Variants in CADM1 observed in about 807,000 individuals in gnomAD.
CADM1 encodes cell adhesion molecule 1, also known as TSLC-1.
CADM1 carries 15 observed loss-of-function variants against 53.1 expected under a neutral mutation model. That is an observed-to-expected ratio of 0.28 (90% CI 0.19 to 0.44). CADM1 has a LOEUF of 0.44. CADM1 is among the 20% of genes least tolerant of loss of function. CADM1 has a pLI of 1.00. For missense variants in CADM1, 434 were observed against 611.3 expected, an observed-to-expected ratio of 0.71 and a Z score of 3.06; for synonymous variants, 281 against 243.0, an observed-to-expected ratio of 1.16 and a Z score of -1.45.
intron 1 of CADM1, among the ~76,000 whole-genome samples, chr11:115,458,591 C>T (rs897570469): frequency 6.6e-6 from 1 of 151,324 alleles, no homozygotes; most frequent in Non-Finnish European, 1.5e-5. Flanking sequence ...AGACAAAAGT[C>T]CCTGGAATCC....
At chr11:115,332,536 G>A (rs1008947632) in intron 1 of CADM1, among the ~76,000 whole-genome samples, 12 of 152,110 alleles carry the variant, frequency 7.9e-5, no homozygotes, top group African/African-American at 2.4e-4. Flanking sequence ...AAGCAACCAC[G>A]GTCCCAGAAG....
chr11:115,177,251 A>G (rs542686042), intron 11 of CADM1, among the ~76,000 whole-genome samples: 1 of 152,314 alleles, frequency 6.6e-6, no homozygotes, highest in East Asian at 1.9e-4. Flanking sequence ...CTCTCATCGT[A>G]TAACTCTAGC....
At chr11:115,373,321 A>T (rs1946354658) in intron 1 of CADM1, among the ~76,000 whole-genome samples, 1 of 152,176 alleles carries the variant, frequency 6.6e-6, no homozygotes, top group Non-Finnish European at 1.5e-5. Context: ...GCACTGGCTC[A>T]TGCCTGTAAT....
chr11:115,257,494 T>C (rs1419087627), intron 1 of CADM1, among the ~76,000 whole-genome samples: 1 of 152,222 alleles, frequency 6.6e-6, no homozygotes, highest in Admixed American at 6.5e-5. Flanking sequence ...CATTAGAACC[T>C]TAACCTTTAG....
chr11:115,336,639 A>C lies in CADM1; in HGVS notation c.125-96219T>G, dbSNP rs191974136. Among the ~76,000 whole-genome samples, 195 of 152,270 alleles carry C rather than the reference A, an allele frequency of 1.3e-3. 1 individual carries two copies. The Middle Eastern group carries it at 0.031, about 24-fold the overall frequency. On this transcript the variant is annotated intron_variant, in intron 1 of 11. Transcript: ENST00000331581. ...TAATCAGAACCAAAATAAGTCAGGAAACACTAGATTTAAGTTCTTTCCTGA... is the reference window on the plus strand; with the variant it reads ...TAATCAGAACCAAAATAAGTCAGGACACACTAGATTTAAGTTCTTTCCTGA...
chr11:115,277,615 C>T (rs577312414), intron 1 of CADM1, among the ~76,000 whole-genome samples: 37 of 152,280 alleles, frequency 2.4e-4, no homozygotes, highest in Admixed American at 2.2e-3. Flanking sequence ...AGGTTTTATA[C>T]GCCATCCTCA....
intron 10 of CADM1, among the ~76,000 whole-genome samples, chr11:115,180,372 C>G (rs1472701229): frequency 6.6e-6 from 1 of 152,140 alleles, no homozygotes; most frequent in Non-Finnish European, 1.5e-5. Flanking sequence ...AAATCAGAGG[C>G]AGCAGCAGGT....
chr11:115,283,361 T>C (rs1260947768), intron 1 of CADM1, among the ~76,000 whole-genome samples: 1 of 152,076 alleles, frequency 6.6e-6, no homozygotes, highest in Non-Finnish European at 1.5e-5. Context: ...CAGAAGACAA[T>C]GACTATAATC....
intron 1 of CADM1, among the ~76,000 whole-genome samples, chr11:115,277,855 C>T (rs1943485369): frequency 6.6e-6 from 1 of 152,088 alleles, no homozygotes; most frequent in Admixed American, 6.6e-5. Context: ...GCCATTTGTG[C>T]TAAATACTGA....
intron 1 of CADM1, among the ~76,000 whole-genome samples, chr11:115,284,465 C>T (rs1260248827): frequency 6.6e-6 from 1 of 151,196 alleles, no homozygotes; most frequent in Non-Finnish European, 1.5e-5. Flanking sequence ...CACTGCTCTA[C>T]TTTACCAATT....
chr11:115,332,624 C>T (rs1945161160), intron 1 of CADM1, among the ~76,000 whole-genome samples: 1 of 151,974 alleles, frequency 6.6e-6, no homozygotes, highest in Admixed American at 6.6e-5. Flanking sequence ...TACATATGCT[C>T]GATAACGTGT....
intron 1 of CADM1, among the ~76,000 whole-genome samples, chr11:115,330,505 C>T (rs1483408810): frequency 1.3e-5 from 2 of 152,024 alleles, no homozygotes; most frequent in African/African-American, 4.8e-5. Context: ...TAGTGCTTAC[C>T]ATGCTTCAGG....
chr11:115,252,724 C>T (rs1018422527), intron 1 of CADM1, among the ~76,000 whole-genome samples: 1 of 152,040 alleles, frequency 6.6e-6, no homozygotes, highest in African/African-American at 2.4e-5. Flanking sequence ...TAATGCAATG[C>T]ACCCTTCTCC....
At chr11:115,395,476 T>C (rs867660204) in intron 1 of CADM1, among the ~76,000 whole-genome samples, 2 of 152,190 alleles carry the variant, frequency 1.3e-5, no homozygotes, top group African/African-American at 2.4e-5. Flanking sequence ...AAAATCATTA[T>C]AGAGGTACAT....
intron 1 of CADM1, among the ~76,000 whole-genome samples, chr11:115,394,735 A>C (rs548607756): frequency 6.6e-6 from 1 of 152,324 alleles, no homozygotes; most frequent in African/African-American, 2.4e-5. Context: ...TTCCAGTGCT[A>C]ATCAAGTTTC....
At chr11:115,253,609 T>A (rs1352873493) in intron 1 of CADM1, among the ~76,000 whole-genome samples, 1 of 152,206 alleles carries the variant, frequency 6.6e-6, no homozygotes, top group East Asian at 1.9e-4. Context: ...AGCAAATCAA[T>A]ATGTAATTGA....
intron 1 of CADM1, among the ~76,000 whole-genome samples, chr11:115,250,182 C>T (rs1472016014): frequency 1.3e-5 from 2 of 152,208 alleles, no homozygotes; most frequent in South Asian, 2.1e-4. Flanking sequence ...GGATTACAAG[C>T]ATGAGCCACT....
intron 1 of CADM1, among the ~76,000 whole-genome samples, chr11:115,404,225 C>A: frequency 6.8e-6 from 1 of 147,688 alleles, no homozygotes; most frequent in South Asian, 2.2e-4. Context: ...ACTTGGGAGG[C>A]TGAGGCAGGA....
intron 1 of CADM1, among the ~76,000 whole-genome samples, chr11:115,390,568 A>C (rs142192172): frequency 1.1e-3 from 174 of 151,960 alleles, no homozygotes; most frequent in African/African-American, 4.1e-3. Flanking sequence ...GATCAGATGT[A>C]AGTGTTTAGT....
Sources: allele counts gnomAD v4.1 joint callset (sites outside exome capture counted in the v4.1 genomes callset), GRCh38; gene constraint gnomAD v4.1.1; transcripts MANE v1.5; gene names NCBI Gene and HGNC (gene_info 2026-07-23, HGNC 2026-07-21).